LINGO2: variants seen among roughly 807,000 people sequenced by gnomAD.
LINGO2 encodes leucine rich repeat and Ig domain containing 2, also known as leucine-rich repeat and immunoglobulin-like domain-containing nogo receptor-interacting protein 2.
In LINGO2, 14 loss-of-function variants were observed where a neutral mutation model predicts 30.6. That is an observed-to-expected ratio of 0.46 (90% CI 0.30 to 0.72). The LOEUF (loss-of-function observed/expected upper bound fraction) is 0.72, where lower values mean the gene tolerates loss of function less well. Ranked by LOEUF, LINGO2 falls within the 30% of genes least tolerant of loss-of-function variation. The pLI is 0.07. For synonymous variants in LINGO2, 317 were observed against 288.5 expected (o/e 1.10, Z -1.00); for missense variants, 729 against 751.7 (o/e 0.97, Z 0.35).
chr9:28,403,985 A>T (rs1185831946), intron 2 of LINGO2, among the ~76,000 whole-genome samples: 1 of 151,934 alleles, frequency 6.6e-6, no homozygotes, highest in Non-Finnish European at 1.5e-5. Flanking sequence ...TTATCTCTCT[A>T]ATTCTGTCTT....
At chr9:28,330,481 T>C (rs536881605) in intron 3 of LINGO2, among the ~76,000 whole-genome samples, 3 of 152,320 alleles carry the variant, frequency 2.0e-5, no homozygotes, top group Admixed American at 6.5e-5. Flanking sequence ...TGAGCCAATA[T>C]TGATACATTA....
the LINGO2 span, among the ~76,000 whole-genome samples, chr9:28,805,919 C>T: frequency 6.6e-6 from 1 of 151,958 alleles, no homozygotes. Context: ...TCATATTATT[C>T]TATTTTTCTC....
chr9:28,779,841 G>T, the LINGO2 span, among the ~76,000 whole-genome samples: 169 of 152,084 alleles, frequency 1.1e-3, 1 homozygote, highest in Middle Eastern at 0.014. Flanking sequence ...CTCACAGATG[G>T]CATGTTATAG....
chr9:29,130,661 G>C, the LINGO2 span, among the ~76,000 whole-genome samples: 2 of 152,124 alleles, frequency 1.3e-5, no homozygotes, highest in Non-Finnish European at 2.9e-5. Context: ...AGCTAACCTG[G>C]AACAATTTTA....
At chr9:28,568,564 T>A (rs769016029) in intron 1 of LINGO2, among the ~76,000 whole-genome samples, 1 of 151,728 alleles carries the variant, frequency 6.6e-6, no homozygotes, top group African/African-American at 2.4e-5. Flanking sequence ...TTGTCAAAAA[T>A]CAAAGACAAG....
In LINGO2 at chr9:28,370,356, G is replaced by T. The variant is rs192054782; in HGVS notation, c.-246+2480C>A. On this transcript the variant is annotated intron_variant, in intron 3 of 5. Coordinates refer to ENST00000379992, the Ensembl canonical transcript of LINGO2. ...CACACATTCCAAAATATACACGCATGCAAAAACAAAAACAAAACCCAGCCA... is the reference window on the plus strand; with the variant it reads ...CACACATTCCAAAATATACACGCATTCAAAAACAAAAACAAAACCCAGCCA... Among the ~76,000 whole-genome samples, 10 of 152,088 alleles carry T rather than the reference G, an allele frequency of 6.6e-5. No individual in the cohort carries two copies. In the East Asian group the frequency reaches 1.7e-3, roughly 26 times the overall value.
the LINGO2 span, among the ~76,000 whole-genome samples, chr9:28,723,384 A>T: frequency 2.0e-5 from 3 of 152,184 alleles, no homozygotes; most frequent in African/African-American, 7.2e-5. Flanking sequence ...AAAATCTATT[A>T]ATTAAAATTA....
At chr9:28,366,719 G>C (rs1820691142) in intron 3 of LINGO2, among the ~76,000 whole-genome samples, 1 of 135,134 alleles carries the variant, frequency 7.4e-6, no homozygotes, top group African/African-American at 2.8e-5. Context: ...TGGTAAAGCA[G>C]GTATGTAAAG....
intron 4 of LINGO2, among the ~76,000 whole-genome samples, chr9:28,112,033 A>G (rs1826813257): frequency 8.4e-6 from 1 of 119,370 alleles, no homozygotes; most frequent in South Asian, 3.4e-4. Flanking sequence ...AGCATTAGGT[A>G]TATCTCCCAA....
intron 4 of LINGO2, among the ~76,000 whole-genome samples, chr9:28,019,408 A>G (rs1187329091): frequency 2.0e-5 from 3 of 151,918 alleles, no homozygotes; most frequent in Non-Finnish European, 4.4e-5. Flanking sequence ...GGAACCATGG[A>G]AAGAAACAAA....
intron 2 of LINGO2, among the ~76,000 whole-genome samples, chr9:28,414,199 C>T (rs886199534): frequency 1.3e-5 from 2 of 151,928 alleles, no homozygotes; most frequent in Admixed American, 1.3e-4. Context: ...TTACTTGTTA[C>T]TGTTTTGGGA....
intron 1 of LINGO2, among the ~76,000 whole-genome samples, chr9:28,533,115 G>T (rs1470051966): frequency 6.6e-6 from 1 of 151,974 alleles, no homozygotes; most frequent in Non-Finnish European, 1.5e-5. Context: ...TGCCAGCACG[G>T]CTAGAATAAG....
chr9:27,957,994 A>G (rs1431386805), intron 5 of LINGO2, among the ~76,000 whole-genome samples: 2 of 152,188 alleles, frequency 1.3e-5, no homozygotes, highest in Non-Finnish European at 2.9e-5. Context: ...TACAATGTCA[A>G]ATAGAAGTGC....
At chr9:29,078,439 T>C in the LINGO2 span, among the ~76,000 whole-genome samples, 2 of 152,008 alleles carry the variant, frequency 1.3e-5, no homozygotes, top group Admixed American at 6.6e-5. Flanking sequence ...GTCTTAAGCC[T>C]GAAAATGTCT....
the LINGO2 span, among the ~76,000 whole-genome samples, chr9:28,957,174 A>C: frequency 6.6e-6 from 1 of 152,138 alleles, no homozygotes; most frequent in Admixed American, 6.5e-5. Flanking sequence ...TCAGCATCGC[A>C]CTAAGACACT....
the LINGO2 span, among the ~76,000 whole-genome samples, chr9:28,877,351 C>T: frequency 3.3e-5 from 5 of 151,504 alleles, no homozygotes; most frequent in Admixed American, 6.6e-5. Context: ...AATGGTAATG[C>T]CTAGGTTTTC....
chr9:29,090,523 C>T, the LINGO2 span, among the ~76,000 whole-genome samples: 1 of 151,986 alleles, frequency 6.6e-6, no homozygotes, highest in Non-Finnish European at 1.5e-5. Context: ...GTTATTGGCA[C>T]AGATCAAGTC....
chr9:28,172,026 A>AC (rs1197256106), intron 4 of LINGO2, among the ~76,000 whole-genome samples: 14 of 82,600 alleles, frequency 1.7e-4, no homozygotes, highest in South Asian at 4.1e-4. Flanking sequence ...CAAAAAAAAA[A>AC]AAAAAAACAA....
At chr9:28,901,554 A>G in the LINGO2 span, among the ~76,000 whole-genome samples, 3 of 151,970 alleles carry the variant, frequency 2.0e-5, no homozygotes, top group African/African-American at 7.3e-5. Context: ...GTTACATCAA[A>G]AACATAAAAT....
Sources: gnomAD v4.1 joint callset for allele counts (sites outside exome capture counted in the v4.1 genomes callset) on GRCh38, gnomAD v4.1.1 for gene constraint, MANE v1.5 for transcripts, NCBI Gene and HGNC (gene_info 2026-07-23, HGNC 2026-07-21) for gene names.